The following PACRG variants were observed in gnomAD, a reference collection of about 807,000 sequenced individuals.
PACRG encodes parkin coregulated.
Under a neutral mutation model 29.7 loss-of-function variants are expected in PACRG, and 29 were observed. The ratio of observed to expected loss-of-function variants is 0.98; its 90% confidence interval spans 0.73 to 1.33. PACRG has a LOEUF of 1.33. Ranked by LOEUF, PACRG falls within the 40% of genes most tolerant of loss-of-function variation. The pLI, the probability that PACRG is intolerant of heterozygous loss-of-function variation, is 0.00. For synonymous variants in PACRG, 116 were observed against 118.7 expected, an observed-to-expected ratio of 0.98 and a Z score of 0.15; for missense variants, 279 against 316.2, an observed-to-expected ratio of 0.88 and a Z score of 0.89.
intron 4 of PACRG, among the ~76,000 whole-genome samples, chr6:163,302,580 T>C (rs1027739803): frequency 6.6e-6 from 1 of 152,254 alleles, no homozygotes; most frequent in African/African-American, 2.4e-5. Context: ...AAATGTATTA[T>C]GTTTGCATTA....
rs572318456 is a variant in PACRG at position 163,114,183 on chromosome 6, G to A, written c.613+24775G>A. ...AAGAATTGCTTGAACCCAGGAGGTGGAGGTTTCAGTGAGTCGAGATTGTGC... is the reference window on the plus strand; with the variant it reads ...AAGAATTGCTTGAACCCAGGAGGTGAAGGTTTCAGTGAGTCGAGATTGTGC... On this transcript the variant is annotated intron_variant, in intron 4 of 4. Coordinates refer to ENST00000366888, the MANE Select transcript of PACRG (RefSeq NM_001080379.2). Among the ~76,000 whole-genome samples the A allele has an allele frequency of 2.3e-3, 348 of 152,294 alleles. 1 individual carries two copies. Among genetic ancestry groups the A allele is most frequent in the Non-Finnish European group, 3.6e-3 (242 of 68,034 alleles).
At chr6:162,791,970 T>A (rs1784988204) in intron 1 of PACRG, among the ~76,000 whole-genome samples, 1 of 152,138 alleles carries the variant, frequency 6.6e-6, no homozygotes, top group African/African-American at 2.4e-5. Context: ...GTCCCCTTTA[T>A]GTTATTTCTA....
At chr6:162,747,173 G>T (rs1354279386) in intron 1 of PACRG, among the ~76,000 whole-genome samples, 1 of 150,852 alleles carries the variant, frequency 6.6e-6, no homozygotes, top group Non-Finnish European at 1.5e-5. Context: ...CTGCCAGCAC[G>T]GCTAGAATAT....
At chr6:163,309,969 A>T (rs1287377553) in intron 4 of PACRG, 2 of 152,264 alleles carry the variant, frequency 1.3e-5, no homozygotes, top group African/African-American at 4.8e-5. Context: ...CAAATGAACA[A>T]CACTTCAGGC....
chr6:163,301,748 T>C (rs1171485515), intron 4 of PACRG, among the ~76,000 whole-genome samples: 1 of 152,226 alleles, frequency 6.6e-6, no homozygotes, highest in Non-Finnish European at 1.5e-5. Flanking sequence ...AGCTACAGTA[T>C]AGACAAAATA....
chr6:163,172,376 T>A (rs1779127405), intron 4 of PACRG, among the ~76,000 whole-genome samples: 2 of 152,226 alleles, frequency 1.3e-5, no homozygotes, highest in Admixed American at 1.3e-4. Flanking sequence ...TTAATTATTT[T>A]AATTGCCAGA....
intron 4 of PACRG, chr6:163,165,745 A>G: frequency 4.0e-6 from 1 of 250,840 alleles, no homozygotes; most frequent in Non-Finnish European, 7.9e-6. Context: ...AGCTAACTGG[A>G]GGGAGGGAGC....
At chr6:162,962,647 G>C (rs1800724663) in intron 2 of PACRG, among the ~76,000 whole-genome samples, 1 of 152,200 alleles carries the variant, frequency 6.6e-6, no homozygotes, top group Admixed American at 6.5e-5. Flanking sequence ...GCCAGGAAGA[G>C]AGCCCTCATC....
At chr6:162,894,886 G>A (rs1795047622) in intron 2 of PACRG, among the ~76,000 whole-genome samples, 2 of 152,058 alleles carry the variant, frequency 1.3e-5, no homozygotes, top group African/African-American at 4.8e-5. Flanking sequence ...ATATATTATT[G>A]TTGCTAAAGG....
intron 3 of PACRG, 62 bp from the exon 4 acceptor site, chr6:163,089,197 C>T (rs1201218493): frequency 6.7e-5 from 103 of 1,528,946 alleles, no homozygotes; most frequent in Non-Finnish European, 4.0e-5. Context: ...TTTACCTTAA[C>T]CTTGTAGACC....
At chr6:163,065,469 G>A (rs1486516002) in intron 3 of PACRG, among the ~76,000 whole-genome samples, 3 of 152,214 alleles carry the variant, frequency 2.0e-5, no homozygotes, top group Non-Finnish European at 2.9e-5. Flanking sequence ...CCAAAACAGC[G>A]GTCAAGAGGG....
At chr6:163,029,167 T>C (rs1266658391) in intron 2 of PACRG, among the ~76,000 whole-genome samples, 1 of 152,146 alleles carries the variant, frequency 6.6e-6, no homozygotes, top group African/African-American at 2.4e-5. Context: ...TGCAGGCAGC[T>C]CCTGGAGGCC....
chr6:163,000,705 G>A (rs767111372), intron 2 of PACRG, among the ~76,000 whole-genome samples: 8 of 152,138 alleles, frequency 5.3e-5, no homozygotes, highest in Admixed American at 1.3e-4. Flanking sequence ...TCACGTGATC[G>A]TCATTTCATA....
At chr6:162,890,120 C>A (rs185024822) in intron 2 of PACRG, among the ~76,000 whole-genome samples, 1 of 152,330 alleles carries the variant, frequency 6.6e-6, no homozygotes, top group Admixed American at 6.5e-5. Context: ...GAGACTATTG[C>A]CATCAATTGC....
chr6:162,844,489 A>G (rs1322385704), intron 2 of PACRG, among the ~76,000 whole-genome samples: 2 of 152,130 alleles, frequency 1.3e-5, no homozygotes, highest in Non-Finnish European at 2.9e-5. Context: ...ACCTGTGCCC[A>G]CTTTCTGGCA....
At chr6:162,914,141 T>C (rs1190380456) in intron 2 of PACRG, among the ~76,000 whole-genome samples, 1 of 152,160 alleles carries the variant, frequency 6.6e-6, no homozygotes, top group African/African-American at 2.4e-5. Flanking sequence ...AATGTTTGCC[T>C]CCTCCAAGAT....
At chr6:162,760,666 A>G (rs1782278623) in intron 1 of PACRG, among the ~76,000 whole-genome samples, 1 of 152,092 alleles carries the variant, frequency 6.6e-6, no homozygotes, top group African/African-American at 2.4e-5. Context: ...AGATGGTAGG[A>G]ACTGAGATGA....
chr6:163,190,399 G>C (rs35055522), intron 4 of PACRG: 13,834 of 152,264 alleles, frequency 0.091, 670 homozygotes, highest in South Asian at 0.13. Flanking sequence ...AGTGAAAATA[G>C]AGGTCGGCGC....
intron 4 of PACRG, among the ~76,000 whole-genome samples, chr6:163,305,103 C>A (rs1322804564): frequency 6.6e-6 from 1 of 152,244 alleles, no homozygotes; most frequent in Non-Finnish European, 1.5e-5. Flanking sequence ...ACACTCGGTG[C>A]CTGTGCTCCT....
Sources: gnomAD v4.1 joint callset for allele counts (sites outside exome capture counted in the v4.1 genomes callset) on GRCh38, gnomAD v4.1.1 for gene constraint, MANE v1.5 for transcripts, NCBI Gene and HGNC (gene_info 2026-07-23, HGNC 2026-07-21) for gene names.